TBXAS1: variants seen among roughly 807,000 people sequenced by gnomAD.
TBXAS1 encodes the protein thromboxane A synthase 1.
TBXAS1 carries 48 observed loss-of-function variants against 60.7 expected under a neutral mutation model. That is an observed-to-expected ratio of 0.79 (90% CI 0.63 to 1.01). TBXAS1 has a LOEUF of 1.01. TBXAS1 is among the 50% of genes least tolerant of loss of function. TBXAS1 has a pLI of 0.00. For synonymous variants in TBXAS1, 287 were observed against 269.7 expected, an observed-to-expected ratio of 1.06 and a Z score of -0.63; for missense variants, 685 against 686.3, an observed-to-expected ratio of 1.00 and a Z score of 0.02.
At chr7:139,969,856 C>A (rs568972435) in intron 9 of TBXAS1, among the ~76,000 whole-genome samples, 50 of 152,284 alleles carry the variant, frequency 3.3e-4, no homozygotes, top group Admixed American at 1.4e-3. Flanking sequence ...CACAACAGGA[C>A]AACAGAGCAC....
chr7:140,006,548 A>G (rs1814092642), intron 9 of TBXAS1, among the ~76,000 whole-genome samples: 1 of 152,102 alleles, frequency 6.6e-6, no homozygotes, highest in African/African-American at 2.4e-5. Flanking sequence ...TTTTCTAGCT[A>G]GTTGTCTTTT....
chr7:139,821,135 G>A (rs1798283650), intron 4 of TBXAS1, among the ~76,000 whole-genome samples: 1 of 152,240 alleles, frequency 6.6e-6, no homozygotes, highest in South Asian at 2.1e-4. Flanking sequence ...AGATGAGGGG[G>A]CTGAGAGAAG....
At chr7:139,982,252 T>C (rs530937530) in intron 9 of TBXAS1, among the ~76,000 whole-genome samples, 9 of 152,388 alleles carry the variant, frequency 5.9e-5, no homozygotes, top group African/African-American at 1.2e-4. Context: ...TTTTATTTGA[T>C]AAATCAGGCA....
At chr7:139,969,639 A>G (rs1174438085) in intron 9 of TBXAS1, among the ~76,000 whole-genome samples, 2 of 152,112 alleles carry the variant, frequency 1.3e-5, no homozygotes, top group African/African-American at 2.4e-5. Flanking sequence ...GGAGGAGGGC[A>G]TGGTTGGCTT....
At chr7:139,939,908 C>G (rs1808143727) in intron 5 of TBXAS1, among the ~76,000 whole-genome samples, 2 of 152,142 alleles carry the variant, frequency 1.3e-5, no homozygotes, top group Non-Finnish European at 2.9e-5. Flanking sequence ...AAAAAGTGCA[C>G]AGCAAAGATA....
chr7:139,892,853 A>G (rs925048111), intron 3 of TBXAS1, among the ~76,000 whole-genome samples: 4 of 152,004 alleles, frequency 2.6e-5, no homozygotes, highest in East Asian at 3.9e-4. Context: ...AGTCCTGCAC[A>G]TGGGTCCTCT....
chr7:139,905,005 C>CTCTTTCTTTCTTTCTTTCTTT, intron 3 of TBXAS1, among the ~76,000 whole-genome samples: 1 of 90,482 alleles, frequency 1.1e-5, no homozygotes, highest in African/African-American at 4.5e-5. Flanking sequence ...CTCTCTTTCT[C>CTCTTTCTTTCTTTCTTTCTTT]TCTTTCTTTC....
At chr7:139,931,665 C>T (rs375378224) in intron 4 of TBXAS1, among the ~76,000 whole-genome samples, 2 of 151,866 alleles carry the variant, frequency 1.3e-5, no homozygotes, top group African/African-American at 4.8e-5. Flanking sequence ...TTCACTACCA[C>T]GAGAACAACA....
intron 2 of TBXAS1, among the ~76,000 whole-genome samples, chr7:139,873,021 T>A (rs966421084): frequency 4.0e-5 from 6 of 151,816 alleles, no homozygotes; most frequent in African/African-American, 1.5e-4. Context: ...CTAAATAGGG[T>A]GGTATAGACG....
chr7:139,897,311 A>C lies in TBXAS1; in HGVS notation c.237-13914A>C, dbSNP rs79133027. 6.0e-5 allele frequency among the ~76,000 whole-genome samples: 8 copies of C among 133,428 alleles called. No individual in the cohort carries two copies. The East Asian group carries it at 2.0e-3, about 34-fold the overall frequency. The allele number at this position is 133,428 out of a possible 152,430, so 87.5% of individuals were successfully genotyped here. On this transcript the variant is annotated intron_variant, in intron 3 of 12. Coordinates refer to ENST00000448866, the MANE Select transcript of TBXAS1 (RefSeq NM_001061.7). ...ATCATGGAGGGTTTCAGTCGGTATG[A>C]TCAGGATTGGCTCTTGGCGGTGGGG...
At chr7:140,012,317 A>G (rs1814679734) in intron 10 of TBXAS1, among the ~76,000 whole-genome samples, 1 of 152,170 alleles carries the variant, frequency 6.6e-6, no homozygotes, top group African/African-American at 2.4e-5. Context: ...TTCTCAATCG[A>G]ACCCTATAGT....
At chr7:140,006,444 G>C (rs1428449391) in intron 9 of TBXAS1, among the ~76,000 whole-genome samples, 2 of 152,128 alleles carry the variant, frequency 1.3e-5, no homozygotes. Context: ...TTCCTAATCT[G>C]ACCTGTGCAA....
At chr7:139,901,339 A>AAG (rs1326928646) in intron 3 of TBXAS1, among the ~76,000 whole-genome samples, 1 of 152,070 alleles carries the variant, frequency 6.6e-6, no homozygotes, top group African/African-American at 2.4e-5. Context: ...AAAAAAAAAA[A>AAG]AAGAAGCAGG....
chr7:139,779,292 T>C (rs1472462455), intron 1 of TBXAS1, among the ~76,000 whole-genome samples: 1 of 152,170 alleles, frequency 6.6e-6, no homozygotes, highest in Non-Finnish European at 1.5e-5. Flanking sequence ...AAAGGCAAGC[T>C]CTTTCACACT....
intron 4 of TBXAS1, among the ~76,000 whole-genome samples, chr7:139,923,172 A>G (rs1160989662): frequency 6.6e-6 from 1 of 151,990 alleles, no homozygotes; most frequent in Non-Finnish European, 1.5e-5. Context: ...ATATATATAT[A>G]TATAATTAGC....
chr7:139,809,901 A>C (rs1491003312), intron 4 of TBXAS1, among the ~76,000 whole-genome samples: 1 of 152,212 alleles, frequency 6.6e-6, no homozygotes, highest in African/African-American at 2.4e-5. Context: ...TTCACCAGCT[A>C]TCTAGGCATC....
At chr7:139,858,134 G>A (rs1309181549) in intron 1 of TBXAS1, among the ~76,000 whole-genome samples, 1 of 152,094 alleles carries the variant, frequency 6.6e-6, no homozygotes, top group Non-Finnish European at 1.5e-5. Flanking sequence ...GTGCTTCTTC[G>A]TACACATCAA....
In TBXAS1 at chr7:139,852,784, T is replaced by C. The variant is rs1800305032; in HGVS notation, c.90-19451T>C. On this transcript the variant is annotated intron_variant, in intron 1 of 12. Transcript: ENST00000448866. The surrounding 1 kb of genome is among the most constrained non-coding windows in gnomAD (Gnocchi z 4.4). ...TCATAGTGCAATAGAAAGGTGGAAA[T>C]ATTGGCTGGGTTTATGAAGACATAA... Among the ~76,000 whole-genome samples, 1 of 152,128 alleles carries C rather than the reference T, an allele frequency of 6.6e-6. No homozygotes were observed. The highest frequency in any genetic ancestry group is 1.5e-5 in the Non-Finnish European group (1 of 68,028).
At chr7:139,890,382 A>C (rs2116926734) in intron 3 of TBXAS1, among the ~76,000 whole-genome samples, 1 of 151,374 alleles carries the variant, frequency 6.6e-6, no homozygotes, top group East Asian at 1.9e-4. Flanking sequence ...CGCCCGGCTA[A>C]TTTTTTGTAT....
Sources: gnomAD v4.1 joint callset for allele counts (sites outside exome capture counted in the v4.1 genomes callset) on GRCh38, gnomAD v4.1.1 for gene constraint, Gnocchi (gnomAD v3.1) non-coding constraint, MANE v1.5 for transcripts, NCBI Gene and HGNC (gene_info 2026-07-23, HGNC 2026-07-21) for gene names.